The following CCDC7 variants were observed in gnomAD, a reference collection of about 807,000 sequenced individuals.
CCDC7 encodes the protein coiled-coil domain containing 7, also known as coiled-coil domain-containing protein 7.
CCDC7 carries 183 observed loss-of-function variants against 196.9 expected under a neutral mutation model. The observed-to-expected ratio is 0.93, with a 90% CI of 0.82 to 1.05. The LOEUF is 1.05. CCDC7 is among the 50% of genes least tolerant of loss of function. CCDC7 has a pLI of 0.00. For missense variants in CCDC7, 1,540 were observed against 1,482.2 expected, an observed-to-expected ratio of 1.04 and a Z score of -0.64; for synonymous variants, 525 against 484.6, an observed-to-expected ratio of 1.08 and a Z score of -1.10.
intron 28 of CCDC7, among the ~76,000 whole-genome samples, chr10:32,768,181 C>A (rs2078628417): frequency 6.6e-6 from 1 of 152,020 alleles, no homozygotes. Flanking sequence ...ACAAGTATGG[C>A]TATTTAAATA....
At chr10:32,511,659 C>G (rs2046227049) in intron 9 of CCDC7, 1 of 1,571,820 alleles carries the variant, frequency 6.4e-7, no homozygotes, top group Admixed American at 1.7e-5. Flanking sequence ...ATCTCATCCA[C>G]AGCACCAATG....
Position 32,729,574 on chromosome 10 carries a change from A to G in CCDC7, c.2905+117A>G, listed in dbSNP as rs138155077. 195 of 466,934 alleles carry G rather than the reference A, an allele frequency of 4.2e-4. 1 individual carries two copies. Among genetic ancestry groups the G allele is most frequent in the African/African-American group, 3.1e-3 (155 of 50,142 alleles). The allele number at this position is 466,934 out of a possible 1,614,324, so 28.9% of individuals were successfully genotyped here. On this transcript the variant is annotated intron_variant, in intron 28 of 41. Coordinates refer to ENST00000639629, the Ensembl canonical transcript of CCDC7. ...TTCTTCTGCTAATTATTTCCATCAC[A>G]CTACCAGATCTTTATTGATAACTTG...
At chr10:32,677,367 AT>A (rs1460033553) in intron 21 of CCDC7, among the ~76,000 whole-genome samples, 2 of 143,448 alleles carry the variant, frequency 1.4e-5, no homozygotes, top group Non-Finnish European at 3.0e-5. Context: ...AAGTATAATA[AT>A]AATAAAAAAA....
At chr10:32,679,107 A>T (rs1422538594) in intron 21 of CCDC7, among the ~76,000 whole-genome samples, 1 of 152,194 alleles carries the variant, frequency 6.6e-6, no homozygotes, top group Admixed American at 6.5e-5. Flanking sequence ...CTCTAAGATA[A>T]TTAGAAAATA....
At chr10:32,633,700 G>A (rs113975617) in intron 18 of CCDC7, among the ~76,000 whole-genome samples, 57,540 of 101,466 alleles carry the variant, frequency 0.57, 13,734 homozygotes, top group Non-Finnish European at 0.64. Context: ...ATATATATGT[G>A]TGTGTGTGTG....
intron 21 of CCDC7, among the ~76,000 whole-genome samples, chr10:32,671,077 T>A (rs2073971135): frequency 1.3e-5 from 2 of 152,158 alleles, no homozygotes; most frequent in African/African-American, 4.8e-5. Flanking sequence ...TATTATTGAA[T>A]AAAGAAAATT....
intron 29 of CCDC7, among the ~76,000 whole-genome samples, chr10:32,788,868 G>C (rs2082256508): frequency 6.6e-6 from 1 of 152,200 alleles, no homozygotes; most frequent in Non-Finnish European, 1.5e-5. Context: ...CCTAGCTACA[G>C]ACCTGATTTT....
At chr10:32,758,501 A>G (rs947157185) in intron 28 of CCDC7, among the ~76,000 whole-genome samples, 12 of 152,188 alleles carry the variant, frequency 7.9e-5, no homozygotes, top group Non-Finnish European at 1.6e-4. Context: ...CAAAAACCAC[A>G]TGATTATCTC....
At chr10:32,492,039 T>TA in intron 9 of CCDC7, 42 bp downstream of exon 10, 3 of 1,484,008 alleles carry the variant, frequency 2.0e-6, no homozygotes, top group Non-Finnish European at 2.7e-6. Flanking sequence ...TTTCTATTTT[T>TA]AAAAAAAGAC....
intron 18 of CCDC7, among the ~76,000 whole-genome samples, chr10:32,601,513 C>G (rs552485417): frequency 6.6e-6 from 1 of 152,156 alleles, no homozygotes. Context: ...TTGGAGCTTT[C>G]TATTCCACCA....
intron 18 of CCDC7, among the ~76,000 whole-genome samples, chr10:32,613,352 C>A (rs2062399824): frequency 6.6e-6 from 1 of 151,530 alleles, no homozygotes; most frequent in Admixed American, 6.6e-5. Flanking sequence ...TTATTCTTTT[C>A]AAAAAACTAG....
intron 18 of CCDC7, among the ~76,000 whole-genome samples, chr10:32,615,812 T>TA (rs770284428): frequency 2.0e-5 from 3 of 152,122 alleles, no homozygotes; most frequent in Non-Finnish European, 4.4e-5. Flanking sequence ...CAGGTGTTAG[T>TA]TTAGGTCTTT....
intron 19 of CCDC7, 77 bp downstream of exon 20, chr10:32,634,441 G>T (rs1590875304): frequency 7.0e-6 from 4 of 571,812 alleles, no homozygotes; most frequent in Non-Finnish European, 5.0e-6. Flanking sequence ...CTGTCACCCA[G>T]GCTGGAGTGC....
intron 5 of CCDC7, among the ~76,000 whole-genome samples, chr10:32,465,794 A>G (rs1029753255): frequency 1.3e-5 from 2 of 152,110 alleles, no homozygotes; most frequent in African/African-American, 4.8e-5. Context: ...AGACTATTCC[A>G]CCTCAGATGC....
chr10:32,726,157 G>A (rs932461479), intron 25 of CCDC7, among the ~76,000 whole-genome samples: 15 of 151,424 alleles, frequency 9.9e-5, no homozygotes, highest in Non-Finnish European at 1.9e-4. Context: ...AAAAGTTACC[G>A]TACTAGATAT....
chr10:32,643,216 A>G (rs1397207217), intron 20 of CCDC7, among the ~76,000 whole-genome samples: 4 of 152,094 alleles, frequency 2.6e-5, no homozygotes, highest in Non-Finnish European at 5.9e-5. Context: ...TAAAAATTCC[A>G]TATTTCTGGC....
At chr10:32,608,106 A>G (rs148784302) in intron 18 of CCDC7, among the ~76,000 whole-genome samples, 101 of 152,134 alleles carry the variant, frequency 6.6e-4, no homozygotes, top group Admixed American at 1.2e-3. Flanking sequence ...ATAGTTTTTC[A>G]TAGTCGTCTC....
At chr10:32,652,058 G>C (rs72468117) in intron 20 of CCDC7, among the ~76,000 whole-genome samples, 5 of 151,884 alleles carry the variant, frequency 3.3e-5, no homozygotes, top group African/African-American at 9.7e-5. Flanking sequence ...ATCGCTTTTA[G>C]TCTGTTAATA....
intron 8 of CCDC7, among the ~76,000 whole-genome samples, chr10:32,480,289 A>T: frequency 2.1e-5 from 3 of 144,952 alleles, no homozygotes; most frequent in Non-Finnish European, 3.1e-5. Context: ...ACGTTATTTG[A>T]GCTCTTTTGT....
Sources: gnomAD v4.1 joint callset for allele counts (sites outside exome capture counted in the v4.1 genomes callset) on GRCh38, gnomAD v4.1.1 for gene constraint, MANE v1.5 for transcripts, NCBI Gene and HGNC (gene_info 2026-07-23, HGNC 2026-07-21) for gene names.